SH2D6: variants seen among roughly 807,000 people sequenced by gnomAD.
SH2D6 encodes the protein SH2 domain containing 6.
SH2D6 carries 31 observed loss-of-function variants against 30.2 expected under a neutral mutation model. The observed-to-expected ratio is 1.03, with a 90% CI of 0.77 to 1.38. The LOEUF (loss-of-function observed/expected upper bound fraction) is 1.38, where lower values mean the gene tolerates loss of function less well. Among genes scored for constraint, SH2D6 ranks in the 40% most tolerant of loss-of-function variants. The probability of loss-of-function intolerance (pLI) is 0.00; values close to 1 mark genes in which losing one functional copy is unlikely to be tolerated. For synonymous variants in SH2D6, 93 were observed against 104.6 expected (o/e 0.89, Z 0.68); for missense variants, 240 against 266.8 (o/e 0.90, Z 0.70).
At chr2:85,433,669 A>T in intron 16 of SH2D6, 38 bp downstream of exon 16, 1 of 1,049,458 alleles carries the variant, frequency 9.5e-7, no homozygotes, top group Non-Finnish European at 1.2e-6. Flanking sequence ...CTCCTGCCCG[A>T]GGCCCTCAGC....
At chr2:85,432,123 G>C (rs1426467396) in intron 14 of SH2D6, among the ~76,000 whole-genome samples, 164 bp downstream of exon 14, 1 of 152,180 alleles carries the variant, frequency 6.6e-6, no homozygotes, top group Non-Finnish European at 1.5e-5. Context: ...AAGGTAGGCA[G>C]GCAGGTGGCG....
At position 85,422,462 on chromosome 2, in the gene SH2D6, C is replaced by G. The variant is rs761872498; in HGVS notation, c.-432C>G. On this transcript the variant is annotated 5_prime_UTR_variant, in exon 4 of 24. Coordinates refer to ENST00000469800, the MANE Select transcript of SH2D6 (RefSeq NM_001394463.1). ...GACACAGAATGGTCTGCCTGGGCCTCAGTCACATTGGAGGAGCAGAGAGAG... is the reference window on the plus strand; with the variant it reads ...GACACAGAATGGTCTGCCTGGGCCTGAGTCACATTGGAGGAGCAGAGAGAG... 1.3e-5 allele frequency: 2 copies of G among 152,220 alleles called. No individual in the cohort carries two copies. The highest frequency in any genetic ancestry group is 2.9e-5 in the Non-Finnish European group (2 of 68,068). 9.4% of individuals were successfully genotyped at this position (152,220 alleles called of 1,614,324 possible). A position where few individuals can be genotyped will look rare whatever the true frequency, so the allele number is the denominator to read the frequency against.
chr2:85,426,542 T>C (rs903668321), intron 6 of SH2D6, among the ~76,000 whole-genome samples: 3 of 152,126 alleles, frequency 2.0e-5, no homozygotes, highest in Non-Finnish European at 4.4e-5. Context: ...TTATGAATCT[T>C]CTATAAAAAC....
At position 85,434,085 on chromosome 2, in the gene SH2D6, T is replaced by C. The variant is rs1181574750; in HGVS notation, c.507T>C (p.Pro169=). 19 of 1,550,446 alleles carry C rather than the reference T, an allele frequency of 1.2e-5. No individual in the cohort carries two copies. The highest frequency in any genetic ancestry group is 1.6e-5 in the Non-Finnish European group (18 of 1,146,982). Residue 169 remains proline, a synonymous_variant, in exon 17 of 24, where the codon CCT becomes CCC. Coordinates refer to ENST00000469800, the MANE Select transcript of SH2D6 (RefSeq NM_001394463.1). ...TCCAAGTCCTGATGCCCTCAGGCCC[T>C]CTGCCCAGGACATCAGTGGTGCCCA... The part of the protein sequence containing the change: ...LSFQVLMPSG[P]LPRTSVVPRP...
chr2:85,435,362 T>C, intron 20 of SH2D6, 51 bp from the exon 21 acceptor site: 5 of 1,591,740 alleles, frequency 3.1e-6, no homozygotes, highest in Non-Finnish European at 3.4e-6. Context: ...CGGCTCCGCA[T>C]GCCTGATTGA....
intron 2 of SH2D6, among the ~76,000 whole-genome samples, chr2:85,419,610 T>C (rs1221109451): frequency 1.3e-5 from 2 of 152,206 alleles, no homozygotes; most frequent in African/African-American, 4.8e-5. Flanking sequence ...CAGCAACACA[T>C]TGGACTTTCT....
At chr2:85,433,272 C>T (rs554580977) in intron 15 of SH2D6, among the ~76,000 whole-genome samples, 151 bp downstream of exon 15, 96 of 152,338 alleles carry the variant, frequency 6.3e-4, no homozygotes, top group African/African-American at 2.0e-3. Context: ...CCACAGGCCC[C>T]TGGCAGGCAA....
chr2:85,436,481 G>T lies in SH2D6; in HGVS notation c.907G>T (p.Ala303Ser). 6.2e-7 allele frequency: 1 copy of T among 1,613,622 alleles called. No individual in the cohort carries two copies. The highest frequency in any genetic ancestry group is 8.5e-7 in the Non-Finnish European group (1 of 1,179,966). The part of the protein sequence containing the change: ...RNREELFSSV[A>S]AMVQHFMWHP... ...CCCTGGCCAGCTCTTCTCCTCCGTGGCGGCCATGGTCCAGCACTTCATGTG... is the reference window on the plus strand; with the variant it reads ...CCCTGGCCAGCTCTTCTCCTCCGTGTCGGCCATGGTCCAGCACTTCATGTG... Residue 303 changes from alanine to serine, a missense_variant, in exon 23 of 24, where the codon GCG becomes TCG. By Grantham distance (99) the Ala-to-Ser change is moderately conservative. Transcript: ENST00000469800.
intron 5 of SH2D6, among the ~76,000 whole-genome samples, chr2:85,423,664 G>A (rs1467525166): frequency 1.3e-5 from 2 of 152,242 alleles, no homozygotes; most frequent in Non-Finnish European, 2.9e-5. Flanking sequence ...CTCCTAGGGA[G>A]CCATCTGTCC....
intron 17 of SH2D6, 59 bp downstream of exon 17, chr2:85,434,170 G>A (rs1689109992): frequency 9.1e-6 from 14 of 1,537,298 alleles, no homozygotes; most frequent in Non-Finnish European, 1.2e-5. Flanking sequence ...GAGAGAGACA[G>A]CACCCCAGTT....
chr2:85,434,458 C>T lies in SH2D6; in HGVS notation c.565-15C>T. ...TGGGGCCCGGCCTCTTCTGATCAGACCTCCTGTATGCCAGGGAACAGCAGA... is the reference window on the plus strand; with the variant it reads ...TGGGGCCCGGCCTCTTCTGATCAGATCTCCTGTATGCCAGGGAACAGCAGA... On this transcript the variant is annotated splice_polypyrimidine_tract_variant and intron_variant, in intron 18 of 23. Transcript: ENST00000469800. 6.4e-7 allele frequency: 1 copy of T among 1,550,450 alleles called. No homozygotes were observed. The highest frequency in any genetic ancestry group is 8.7e-7 in the Non-Finnish European group (1 of 1,146,978).
intron 22 of SH2D6, among the ~76,000 whole-genome samples, chr2:85,436,072 G>C (rs1459120623): frequency 6.6e-6 from 1 of 152,160 alleles, no homozygotes; most frequent in East Asian, 1.9e-4. Flanking sequence ...AACCCAGCTG[G>C]GAGGAGGGCG....
chr2:85,424,301 C>T lies in SH2D6; in HGVS notation c.-308-1007C>T, dbSNP rs779508293. On this transcript the variant is annotated intron_variant, in intron 5 of 23. Transcript: ENST00000469800. ...GGCCCCCACATAACCTCCTGTTGGC[C>T]TGGCCTCCCGCTCCCTGGCCCTGCC... Among the ~76,000 whole-genome samples, 48 of 152,322 alleles carry T rather than the reference C, an allele frequency of 3.2e-4. 1 individual carries two copies. The highest frequency in any genetic ancestry group is 6.8e-3 in the Middle Eastern group (2 of 294).
Position 85,434,357 on chromosome 2 carries a change from A to G in SH2D6, c.551A>G (p.Gln184Arg). 1 of 1,548,998 alleles carries G rather than the reference A, an allele frequency of 6.5e-7. No homozygotes were observed. The highest frequency in any genetic ancestry group is 8.7e-7 in the Non-Finnish European group (1 of 1,145,806). ...SVVPRPTTAP[Q>R]ETRNGTADAA... Reference sequence around the variant, plus strand: ...TCCCACAGGCCTACCACAGCCCCCCAGGAAACTCGGAATGTAAGAGGCTGA... The same window carrying G: ...TCCCACAGGCCTACCACAGCCCCCCGGGAAACTCGGAATGTAAGAGGCTGA... Residue 184 changes from glutamine (Q) to arginine (R), a missense_variant, in exon 18 of 24, where the codon CAG becomes CGG. Gln to Arg is a conservative substitution (Grantham distance 43, BLOSUM62 1). Coordinates refer to ENST00000469800, the MANE Select transcript of SH2D6 (RefSeq NM_001394463.1).
intron 6 of SH2D6, among the ~76,000 whole-genome samples, chr2:85,426,833 G>A (rs983033066): frequency 1.3e-5 from 2 of 152,266 alleles, no homozygotes; most frequent in Non-Finnish European, 2.9e-5. Flanking sequence ...AAGTTCTGGA[G>A]GCCCAGACTT....
intron 14 of SH2D6, 42 bp from the exon 15 acceptor site, chr2:85,433,057 C>T: frequency 1.0e-6 from 1 of 985,938 alleles, no homozygotes; most frequent in Non-Finnish European, 1.2e-6. Context: ...CCTTTCTGCT[C>T]CCTGCCGTGC....
chr2:85,431,646 C>T (rs1392994989), intron 13 of SH2D6, among the ~76,000 whole-genome samples: 3 of 152,222 alleles, frequency 2.0e-5, no homozygotes, highest in African/African-American at 7.2e-5. Flanking sequence ...CCATTCCCAC[C>T]TTTATCCCAG....
At position 85,434,501 on chromosome 2, in the gene SH2D6, A is replaced by G. The variant is rs767059943; in HGVS notation, c.589+4A>G. ...ACAGCAGATGCTGCCTCTAAAGGTG[A>G]GTAAAGGCTGGTCCAAAGGTAGTGA... On this transcript the variant is annotated splice_donor_region_variant and intron_variant, in intron 19 of 23. Transcript: ENST00000469800. 2 of 1,550,182 alleles carry G rather than the reference A, an allele frequency of 1.3e-6. No individual in the cohort carries two copies. Among genetic ancestry groups the G allele is most frequent in the Admixed American group, 2.0e-5 (1 of 50,978 alleles).
At chr2:85,436,741 G>A (rs1339047576) in intron 23 of SH2D6, 96 bp from the exon 24 acceptor site, 9 of 649,146 alleles carry the variant, frequency 1.4e-5, no homozygotes, top group Non-Finnish European at 2.2e-5. Flanking sequence ...GAGGCCCAGG[G>A]AAGGGTCCTG....
Sources: gnomAD v4.1 joint callset for allele counts (sites outside exome capture counted in the v4.1 genomes callset) on GRCh38, gnomAD v4.1.1 for gene constraint, MANE v1.5 for transcripts, NCBI Gene and HGNC (gene_info 2026-07-23, HGNC 2026-07-21) for gene names.